MLLT3: variants seen among roughly 807,000 people sequenced by gnomAD.
The protein encoded by MLLT3 is MLLT3 super elongation complex subunit.
In MLLT3, 4 loss-of-function variants were observed where a neutral mutation model predicts 53.2. That is an observed-to-expected ratio of 0.08 (90% CI 0.04 to 0.17). The LOEUF (loss-of-function observed/expected upper bound fraction) is 0.17, where lower values mean the gene tolerates loss of function less well. Ranked by LOEUF, MLLT3 falls within the 10% of genes least tolerant of loss-of-function variation. The pLI, the probability that MLLT3 is intolerant of heterozygous loss-of-function variation, is 1.00. For missense variants in MLLT3, 569 were observed against 684.0 expected (o/e 0.83, Z 1.87); for synonymous variants, 283 against 230.6 (o/e 1.23, Z -2.06).
chr9:20,528,474 C>T (rs1238199360), intron 2 of MLLT3, among the ~76,000 whole-genome samples: 2 of 152,240 alleles, frequency 1.3e-5, no homozygotes, highest in African/African-American at 4.8e-5. Flanking sequence ...TATTTCCCCA[C>T]AGTTCTGGAG....
chr9:20,600,492 T>C (rs1042603560), intron 2 of MLLT3, among the ~76,000 whole-genome samples: 2 of 152,244 alleles, frequency 1.3e-5, no homozygotes, highest in Non-Finnish European at 2.9e-5. Context: ...TGTAAGGATG[T>C]ATCCTTCTTT....
At chr9:20,571,767 G>GA (rs1230541962) in intron 2 of MLLT3, among the ~76,000 whole-genome samples, 1 of 152,028 alleles carries the variant, frequency 6.6e-6, no homozygotes, top group Non-Finnish European at 1.5e-5. Context: ...ACAGGTATGT[G>GA]AAAAAAATGC....
intron 2 of MLLT3, among the ~76,000 whole-genome samples, chr9:20,598,427 A>T (rs1040870176): frequency 3.9e-5 from 6 of 152,248 alleles, no homozygotes; most frequent in Non-Finnish European, 7.3e-5. Context: ...CTAGATGTGT[A>T]AATTTGGAAG....
At chr9:20,579,080 A>G (rs1819724916) in intron 2 of MLLT3, among the ~76,000 whole-genome samples, 1 of 152,166 alleles carries the variant, frequency 6.6e-6, no homozygotes, top group South Asian at 2.1e-4. Flanking sequence ...GGATAAATCA[A>G]GCCAGGTATG....
chr9:20,474,632 T>C (rs191133261), intron 2 of MLLT3, among the ~76,000 whole-genome samples: 48 of 152,028 alleles, frequency 3.2e-4, no homozygotes, highest in Admixed American at 3.1e-3. Flanking sequence ...CCCTCTCTGA[T>C]CTAGCTATTT....
chr9:20,561,506 C>T (rs6475461), intron 2 of MLLT3, among the ~76,000 whole-genome samples: 126,465 of 152,100 alleles, frequency 0.83, 53,033 homozygotes, highest in Middle Eastern at 0.93. Context: ...AATCATCGTC[C>T]TTATAGCAAA....
chr9:20,350,291 G>T (rs762021439), intron 10 of MLLT3, among the ~76,000 whole-genome samples: 2 of 152,178 alleles, frequency 1.3e-5, no homozygotes, highest in Non-Finnish European at 2.9e-5. Flanking sequence ...TAGATAGAGT[G>T]ACTGCAGATA....
intron 2 of MLLT3, among the ~76,000 whole-genome samples, chr9:20,564,048 A>G (rs1287580845): frequency 3.3e-5 from 5 of 152,188 alleles, no homozygotes; most frequent in Non-Finnish European, 7.3e-5. Flanking sequence ...AAAATGAGAC[A>G]CTGACTAATA....
In MLLT3 at chr9:20,448,302, A is replaced by G; in HGVS notation, c.277-36T>C. Reference sequence around the variant, plus strand: ...ACAAAAATTATGAAAGAAAAAAGAGAGTGAGGCATAAGTGAAATTTTAAAA... The same window carrying G: ...ACAAAAATTATGAAAGAAAAAAGAGGGTGAGGCATAAGTGAAATTTTAAAA... On this transcript the variant is annotated intron_variant, in intron 3 of 10. Transcript: ENST00000380338. The surrounding 1 kb of genome is among the most constrained non-coding windows in gnomAD (Gnocchi z 4.0). 2 of 1,603,394 alleles carry G rather than the reference A, an allele frequency of 1.2e-6. No homozygotes were observed. Among genetic ancestry groups the G allele is most frequent in the Non-Finnish European group, 1.7e-6 (2 of 1,175,192 alleles).
chr9:20,496,215 A>G (rs1752824257), intron 2 of MLLT3, among the ~76,000 whole-genome samples: 1 of 152,230 alleles, frequency 6.6e-6, no homozygotes, highest in African/African-American at 2.4e-5. Flanking sequence ...TTAAATCTTT[A>G]GAAAAACACA....
chr9:20,478,997 G>A (rs955145303), intron 2 of MLLT3, among the ~76,000 whole-genome samples: 1 of 152,160 alleles, frequency 6.6e-6, no homozygotes, highest in Non-Finnish European at 1.5e-5. Context: ...AGGAACTGAT[G>A]ACAGTTTGGA....
At chr9:20,485,846 G>A (rs1474137009) in intron 2 of MLLT3, among the ~76,000 whole-genome samples, 1 of 152,092 alleles carries the variant, frequency 6.6e-6, no homozygotes, top group Non-Finnish European at 1.5e-5. Context: ...GCAAATTGGG[G>A]AATAAGGTGA....
intron 5 of MLLT3, among the ~76,000 whole-genome samples, chr9:20,386,937 A>G (rs1822051467): frequency 1.3e-5 from 2 of 152,196 alleles, no homozygotes; most frequent in Admixed American, 6.5e-5. Context: ...GACTTTTCAT[A>G]TCCTTTTCAT....
At chr9:20,592,485 T>A (rs1348492905) in intron 2 of MLLT3, among the ~76,000 whole-genome samples, 1 of 152,156 alleles carries the variant, frequency 6.6e-6, no homozygotes, top group Non-Finnish European at 1.5e-5. Context: ...TGTCCTAATC[T>A]TCTCTTCTTA....
chr9:20,465,943 A>G (rs1375140463), intron 2 of MLLT3, among the ~76,000 whole-genome samples: 3 of 152,158 alleles, frequency 2.0e-5, no homozygotes, highest in Non-Finnish European at 4.4e-5. Flanking sequence ...CTTCTTCAAG[A>G]AACCAGGGAA....
At chr9:20,350,600 AAG>A (rs1820997719) in intron 10 of MLLT3, among the ~76,000 whole-genome samples, 1 of 151,174 alleles carries the variant, frequency 6.6e-6, no homozygotes, top group Non-Finnish European at 1.5e-5. Context: ...GTCTCAAAAA[AAG>A]AAAGAAAGAA....
intron 2 of MLLT3, among the ~76,000 whole-genome samples, chr9:20,582,458 T>G (rs1819818241): frequency 6.6e-6 from 1 of 152,176 alleles, no homozygotes; most frequent in African/African-American, 2.4e-5. Context: ...TAGTTTTACC[T>G]TTTTCAGAAT....
chr9:20,485,658 T>A (rs923245235), intron 2 of MLLT3, among the ~76,000 whole-genome samples: 1 of 152,190 alleles, frequency 6.6e-6, no homozygotes, highest in African/African-American at 2.4e-5. Flanking sequence ...ACACAATACA[T>A]TGGCAAGTTT....
At chr9:20,464,770 G>C (rs1341773004) in intron 2 of MLLT3, among the ~76,000 whole-genome samples, 2 of 152,032 alleles carry the variant, frequency 1.3e-5, no homozygotes, top group African/African-American at 4.8e-5. Context: ...TTCACCTCCA[G>C]CACTACTTAG....
Sources: gnomAD v4.1 joint callset for allele counts (sites outside exome capture counted in the v4.1 genomes callset) on GRCh38, gnomAD v4.1.1 for gene constraint, Gnocchi (gnomAD v3.1) non-coding constraint, MANE v1.5 for transcripts, NCBI Gene and HGNC (gene_info 2026-07-23, HGNC 2026-07-21) for gene names.